The following SLC24A2 variants were observed in gnomAD, a reference collection of about 807,000 sequenced individuals.
SLC24A2 encodes the protein solute carrier family 24 member 2, also known as sodium/potassium/calcium exchanger 2.
A neutral mutation model predicts 62.0 loss-of-function variants in SLC24A2; 36 were observed. The observed-to-expected ratio is 0.58, with a 90% CI of 0.44 to 0.77. SLC24A2 has a LOEUF of 0.77. SLC24A2 is among the 30% of genes least tolerant of loss of function. The probability of loss-of-function intolerance (pLI) is 0.00; values close to 1 mark genes in which losing one functional copy is unlikely to be tolerated. For synonymous variants in SLC24A2, 358 were observed against 294.0 expected, an observed-to-expected ratio of 1.22 and a Z score of -2.23; for missense variants, 846 against 817.9, an observed-to-expected ratio of 1.03 and a Z score of -0.42.
At chr9:20,295,285 T>TTAG in the SLC24A2 span, among the ~76,000 whole-genome samples, 132 of 152,140 alleles carry the variant, frequency 8.7e-4, 4 homozygotes, top group South Asian at 0.027. Flanking sequence ...AGGGGAGAGA[T>TTAG]TAGTATATTT....
intron 6 of SLC24A2, 120 bp downstream of exon 6, chr9:19,576,804 G>A (rs1586986895): frequency 3.1e-5 from 22 of 708,572 alleles, no homozygotes; most frequent in South Asian, 2.5e-4. Flanking sequence ...CACAGGGAAG[G>A]GCTGTGCTGC....
chr9:20,085,894 A>AT, the SLC24A2 span, among the ~76,000 whole-genome samples: 2 of 151,858 alleles, frequency 1.3e-5, no homozygotes, highest in African/African-American at 2.4e-5. Context: ...TCCCTTTGGA[A>AT]TTTTTTTTCC....
At chr9:19,624,179 G>T (rs938706686) in intron 2 of SLC24A2, among the ~76,000 whole-genome samples, 19 of 152,128 alleles carry the variant, frequency 1.2e-4, no homozygotes, top group Admixed American at 4.6e-4. Context: ...ATTTTCCAGG[G>T]CAGCAAGCTC....
At chr9:19,825,066 G>C in the SLC24A2 span, among the ~76,000 whole-genome samples, 1 of 151,902 alleles carries the variant, frequency 6.6e-6, no homozygotes, top group African/African-American at 2.4e-5. Flanking sequence ...ATACCTAATG[G>C]CTGTGAGGCT....
the SLC24A2 span, among the ~76,000 whole-genome samples, chr9:20,140,368 G>T: frequency 7.8e-4 from 119 of 152,284 alleles, 1 homozygote; most frequent in East Asian, 0.017. Context: ...CTGATCAAGT[G>T]ACATGGTAGA....
At chr9:19,677,082 A>G (rs528128690) in intron 2 of SLC24A2, among the ~76,000 whole-genome samples, 7 of 152,368 alleles carry the variant, frequency 4.6e-5, no homozygotes, top group African/African-American at 1.7e-4. Context: ...ATTACTGGGT[A>G]TATACCCAAA....
the SLC24A2 span, among the ~76,000 whole-genome samples, chr9:20,275,682 C>T: frequency 2.0e-5 from 3 of 152,120 alleles, no homozygotes; most frequent in East Asian, 1.9e-4. Flanking sequence ...TGAAATTCTA[C>T]GTGTGTATTC....
At chr9:19,620,644 G>C (rs931828618) in intron 3 of SLC24A2, among the ~76,000 whole-genome samples, 1 of 152,150 alleles carries the variant, frequency 6.6e-6, no homozygotes, top group African/African-American at 2.4e-5. Flanking sequence ...ATTTTGATGG[G>C]TTTTTATCCT....
the SLC24A2 span, among the ~76,000 whole-genome samples, chr9:20,198,208 C>G: frequency 1.3e-5 from 2 of 152,098 alleles, no homozygotes; most frequent in African/African-American, 2.4e-5. Flanking sequence ...TGAGTTCACT[C>G]GGGAAAGGGG....
chr9:20,173,769 A>G, the SLC24A2 span, among the ~76,000 whole-genome samples: 2 of 152,090 alleles, frequency 1.3e-5, no homozygotes, highest in Non-Finnish European at 2.9e-5. Context: ...AAATAAACAT[A>G]CTGTCAAAAG....
At chr9:19,656,840 C>T (rs544617828) in intron 2 of SLC24A2, among the ~76,000 whole-genome samples, 96 of 152,250 alleles carry the variant, frequency 6.3e-4, no homozygotes, top group Non-Finnish European at 1.1e-3. Context: ...TTCTGTGTTC[C>T]GCATCCACCG....
At chr9:19,941,386 T>A in the SLC24A2 span, among the ~76,000 whole-genome samples, 1 of 152,134 alleles carries the variant, frequency 6.6e-6, no homozygotes, top group Non-Finnish European at 1.5e-5. Context: ...CTTTATGGGG[T>A]TCCATTTTGT....
the SLC24A2 span, among the ~76,000 whole-genome samples, chr9:20,281,373 T>A: frequency 6.6e-6 from 1 of 152,218 alleles, no homozygotes; most frequent in Non-Finnish European, 1.5e-5. Flanking sequence ...ATCATTAGGA[T>A]AGAGCTTGAT....
chr9:19,906,278 A>G, the SLC24A2 span, among the ~76,000 whole-genome samples: 3 of 151,894 alleles, frequency 2.0e-5, no homozygotes, highest in Non-Finnish European at 4.4e-5. Context: ...TTTGAAACCA[A>G]CGAGAACAAA....
chr9:19,908,448 C>CCAAAAG, the SLC24A2 span, among the ~76,000 whole-genome samples: 13 of 151,994 alleles, frequency 8.6e-5, no homozygotes, highest in African/African-American at 3.1e-4. Context: ...GTCTAAAACA[C>CCAAAAG]CAAAAGCAAT....
At chr9:19,787,679 T>G (rs1346943598) in intron 1 of SLC24A2, among the ~76,000 whole-genome samples, 3 of 147,478 alleles carry the variant, frequency 2.0e-5, no homozygotes, top group Non-Finnish European at 4.5e-5. Flanking sequence ...TCTGGTGACA[T>G]GCACAAGCTG....
chr9:20,093,236 CT>C, the SLC24A2 span, among the ~76,000 whole-genome samples: 7 of 151,778 alleles, frequency 4.6e-5, no homozygotes, highest in Non-Finnish European at 8.8e-5. Flanking sequence ...CCACACCTGG[CT>C]AATTTTGTAT....
At chr9:19,901,452 G>T in the SLC24A2 span, among the ~76,000 whole-genome samples, 1 of 152,152 alleles carries the variant, frequency 6.6e-6, no homozygotes, top group Non-Finnish European at 1.5e-5. Context: ...ATAGCCTTTG[G>T]CAAAGACCAG....
At chr9:20,110,283 G>A in the SLC24A2 span, among the ~76,000 whole-genome samples, 1 of 152,072 alleles carries the variant, frequency 6.6e-6, no homozygotes, top group Admixed American at 6.6e-5. Flanking sequence ...TTGACATGTA[G>A]TATATTTTAT....
Sources: gnomAD v4.1 joint callset for allele counts (sites outside exome capture counted in the v4.1 genomes callset) on GRCh38, gnomAD v4.1.1 for gene constraint, MANE v1.5 for transcripts, NCBI Gene and HGNC (gene_info 2026-07-23, HGNC 2026-07-21) for gene names.